Variants in ZNF618 observed in about 807,000 individuals in gnomAD.
ZNF618 encodes neural precursor cell expressed, developmentally down-regulated 10.
In ZNF618, 34 loss-of-function variants were observed where a neutral mutation model predicts 103.0. That is an observed-to-expected ratio of 0.33 (90% CI 0.25 to 0.44). ZNF618 has a LOEUF of 0.44. ZNF618 is among the 20% of genes least tolerant of loss of function. The pLI is 1.00. For missense variants in ZNF618, 1,059 were observed against 1,295.4 expected (o/e 0.82, Z 2.80); for synonymous variants, 551 against 542.2 (o/e 1.02, Z -0.23).
intron 1 of ZNF618, among the ~76,000 whole-genome samples, chr9:113,968,082 A>G (rs993276136): frequency 6.6e-6 from 1 of 152,230 alleles, no homozygotes; most frequent in Non-Finnish European, 1.5e-5. Context: ...GAAATTCAAA[A>G]AAACTCAAAA....
intron 1 of ZNF618, among the ~76,000 whole-genome samples, chr9:113,905,158 C>T (rs1830878527): frequency 1.3e-5 from 2 of 152,144 alleles, no homozygotes; most frequent in African/African-American, 2.4e-5. Context: ...TAACCTCTGC[C>T]TCCTGGTTCA....
chr9:114,016,561 A>G, intron 9 of ZNF618, 134 bp from the exon 10 acceptor site: 1 of 687,172 alleles, frequency 1.5e-6, no homozygotes, highest in Admixed American at 2.5e-5. Context: ...GGGGTCTTCT[A>G]ACTCCAGAGT....
intron 1 of ZNF618, among the ~76,000 whole-genome samples, chr9:113,951,991 C>T (rs998195173): frequency 2.0e-5 from 3 of 152,152 alleles, no homozygotes; most frequent in Non-Finnish European, 4.4e-5. Context: ...CGTGGCACTC[C>T]ATATGGGCCA....
At position 114,056,575 on chromosome 9, in the gene ZNF618, A is replaced by G. The variant is rs1294762116; in HGVS notation, c.*6408A>G. ...TCAGTGTTGTATTTATGGTTTTACAATAAAACAACCTTTAGGAAGATGCAG... is the reference window on the plus strand; with the variant it reads ...TCAGTGTTGTATTTATGGTTTTACAGTAAAACAACCTTTAGGAAGATGCAG... On this transcript the variant is annotated 3_prime_UTR_variant, in exon 15 of 15. Transcript: ENST00000374126. The G allele has an allele frequency of 6.6e-6, 1 of 152,268 alleles. No individual in the cohort carries two copies. Among genetic ancestry groups the G allele is most frequent in the African/African-American group, 2.4e-5 (1 of 41,474 alleles). 9.4% of individuals were successfully genotyped at this position (152,268 alleles called of 1,614,324 possible).
At chr9:113,999,454 C>T (rs965618452) in intron 4 of ZNF618, among the ~76,000 whole-genome samples, 1 of 152,196 alleles carries the variant, frequency 6.6e-6, no homozygotes, top group South Asian at 2.1e-4. Flanking sequence ...AGTCCAGAGA[C>T]TCCGTGTGCC....
At chr9:114,026,697 T>A (rs1416047014) in intron 10 of ZNF618, among the ~76,000 whole-genome samples, 1 of 152,218 alleles carries the variant, frequency 6.6e-6, no homozygotes, top group Non-Finnish European at 1.5e-5. Context: ...GTGGCCAGAA[T>A]AAGCCTTTGG....
In ZNF618 at chr9:114,050,440, A is replaced by ACGCG. The variant is rs558545811; in HGVS notation, c.*276_*277insGCGC. 3.1e-6 allele frequency: 1 copy of ACGCG among 319,436 alleles called. No homozygotes were observed. The highest frequency in any genetic ancestry group is 2.8e-5 in the African/African-American group (1 of 36,348). The allele number at this position is 319,436 out of a possible 1,614,324, so 19.8% of individuals were successfully genotyped here. The stretch of plus-strand genomic sequence containing the variant: ...CCATGGCCAGAGAAACTTTGCACAC[A>ACGCG]CGCACACACACACACACACACACAC... On this transcript the variant is annotated 3_prime_UTR_variant, in exon 15 of 15. Transcript: ENST00000374126.
chr9:113,961,461 A>C (rs1836836173), intron 1 of ZNF618, among the ~76,000 whole-genome samples: 1 of 152,208 alleles, frequency 6.6e-6, no homozygotes, highest in Non-Finnish European at 1.5e-5. Flanking sequence ...GCCCAGAATC[A>C]AACATCTAAT....
chr9:113,950,451 A>T (rs1835456226), intron 1 of ZNF618, among the ~76,000 whole-genome samples: 1 of 152,150 alleles, frequency 6.6e-6, no homozygotes, highest in African/African-American at 2.4e-5. Context: ...ATCGCCAGTA[A>T]CCATGGGTTG....
intron 11 of ZNF618, 54 bp downstream of exon 11, chr9:114,029,026 A>G: frequency 6.6e-7 from 1 of 1,515,208 alleles, no homozygotes; most frequent in Non-Finnish European, 8.8e-7. Flanking sequence ...CCTTCTCACC[A>G]CCTGCCACAG....
chr9:113,931,004 G>A (rs986647815), intron 1 of ZNF618, among the ~76,000 whole-genome samples: 1 of 152,216 alleles, frequency 6.6e-6, no homozygotes, highest in African/African-American at 2.4e-5. Context: ...GGGAAATACT[G>A]AAATTTACTT....
At chr9:113,927,867 T>C (rs1833242702) in intron 1 of ZNF618, among the ~76,000 whole-genome samples, 1 of 152,226 alleles carries the variant, frequency 6.6e-6, no homozygotes, top group Admixed American at 6.5e-5. Flanking sequence ...GTGAAGCTCA[T>C]GGAAGTTTTC....
chr9:113,921,857 G>A (rs993625310), intron 1 of ZNF618, among the ~76,000 whole-genome samples: 4 of 152,030 alleles, frequency 2.6e-5, no homozygotes, highest in African/African-American at 9.7e-5. Flanking sequence ...TGCTTCCTTT[G>A]TATAAACCTG....
chr9:114,023,391 G>A (rs375258317), intron 10 of ZNF618, among the ~76,000 whole-genome samples: 1 of 151,900 alleles, frequency 6.6e-6, no homozygotes. Flanking sequence ...CTTTACAATG[G>A]CATACTTCCC....
chr9:114,052,232 A>C lies in ZNF618; in HGVS notation c.*2065A>C, dbSNP rs1187361218. 1 of 152,676 alleles carries C rather than the reference A, an allele frequency of 6.5e-6. No homozygotes were observed. The highest frequency in any genetic ancestry group is 2.4e-5 in the African/African-American group (1 of 41,446). 9.5% of individuals were successfully genotyped at this position (152,676 alleles called of 1,614,324 possible). On this transcript the variant is annotated 3_prime_UTR_variant, in exon 15 of 15. Coordinates refer to ENST00000374126, the MANE Select transcript of ZNF618 (RefSeq NM_001318042.2). Reference sequence around the variant, plus strand: ...GGGCCAAGCCTGCACACTTTGCCTCATGAGAACTCACCCAGCTCTCCCCTT... The same window carrying C: ...GGGCCAAGCCTGCACACTTTGCCTCCTGAGAACTCACCCAGCTCTCCCCTT...
At chr9:114,048,281 C>T (rs896220672) in intron 14 of ZNF618, among the ~76,000 whole-genome samples, 2 of 152,206 alleles carry the variant, frequency 1.3e-5, no homozygotes, top group African/African-American at 2.4e-5. Context: ...GCTGGTTGCT[C>T]TTTCCTGACA....
chr9:113,919,628 A>G (rs1000900211), intron 1 of ZNF618, among the ~76,000 whole-genome samples: 10 of 152,230 alleles, frequency 6.6e-5, no homozygotes, highest in East Asian at 1.9e-4. Flanking sequence ...GTGTCCTCCA[A>G]CGGCGGGGCC....
rs1198583592 is a variant in ZNF618, at chr9:114,051,286, A to G, written c.*1119A>G. ...GCCTTCCCTGTACAGTTCAGTTTTCACATATTCGAACGGCCAAGACCAGGT... is the reference window on the plus strand; with the variant it reads ...GCCTTCCCTGTACAGTTCAGTTTTCGCATATTCGAACGGCCAAGACCAGGT... On this transcript the variant is annotated 3_prime_UTR_variant, in exon 15 of 15. Transcript: ENST00000374126. 6.6e-6 allele frequency: 1 copy of G among 152,320 alleles called. No individual in the cohort carries two copies. The highest frequency in any genetic ancestry group is 2.4e-5 in the African/African-American group (1 of 41,310). 9.4% of individuals were successfully genotyped at this position (152,320 alleles called of 1,614,324 possible).
intron 3 of ZNF618, among the ~76,000 whole-genome samples, chr9:113,991,462 A>G (rs1252471234): frequency 6.6e-6 from 1 of 152,228 alleles, no homozygotes; most frequent in African/African-American, 2.4e-5. Flanking sequence ...TTATGAAATC[A>G]TCAGGCTATC....
Sources: allele counts gnomAD v4.1 joint callset (sites outside exome capture counted in the v4.1 genomes callset), GRCh38; gene constraint gnomAD v4.1.1; transcripts MANE v1.5; gene names NCBI Gene and HGNC (gene_info 2026-07-23, HGNC 2026-07-21).